Variants in TRPM7 observed in about 807,000 individuals in gnomAD.
TRPM7 encodes LTRPC ion channel family member 7.
Under a neutral mutation model 229.7 loss-of-function variants are expected in TRPM7, and 134 were observed. The ratio of observed to expected loss-of-function variants is 0.58; its 90% confidence interval spans 0.51 to 0.67. The LOEUF is 0.67. Ranked by LOEUF, TRPM7 falls within the 30% of genes least tolerant of loss-of-function variation. The probability of loss-of-function intolerance (pLI) is 0.00; values close to 1 mark genes in which losing one functional copy is unlikely to be tolerated. For synonymous variants in TRPM7, 699 were observed against 715.2 expected (o/e 0.98, Z 0.36); for missense variants, 1,901 against 2,210.0 (o/e 0.86, Z 2.80).
In TRPM7 at chr15:50,570,012, T is replaced by TA. The variant is rs754481499; in HGVS notation, c.5361-20dup. The TA allele has an allele frequency of 6.6e-5, 104 of 1,586,754 alleles. No individual in the cohort carries two copies. Among genetic ancestry groups the TA allele is most frequent in the South Asian group, 4.6e-4 (40 of 86,640 alleles). On this transcript the variant is annotated intron_variant, in intron 37 of 38. Transcript: ENST00000646667. ...ACAGGATCTGTAGAATTGGTAATTT[T>TA]AAAAAAAACAACAAAAAAAAGGGGG...
intron 9 of TRPM7, among the ~76,000 whole-genome samples, 181 bp downstream of exon 9, chr15:50,632,688 C>A (rs1234858064): frequency 6.6e-6 from 1 of 152,106 alleles, no homozygotes; most frequent in Non-Finnish European, 1.5e-5. Flanking sequence ...AAACTACAGG[C>A]CTCCTTCTAT....
At chr15:50,585,186 C>T (rs1351181510) in intron 28 of TRPM7, among the ~76,000 whole-genome samples, 16 of 151,934 alleles carry the variant, frequency 1.1e-4, no homozygotes, top group African/African-American at 2.9e-4. Flanking sequence ...CTCAGCCTCC[C>T]GAGTAGCTGG....
intron 23 of TRPM7, among the ~76,000 whole-genome samples, chr15:50,595,992 T>C (rs914390769): frequency 1.3e-4 from 20 of 152,196 alleles, no homozygotes; most frequent in Non-Finnish European, 2.1e-4. Context: ...CTATATTGAA[T>C]GCGTATTTGT....
At chr15:50,620,351 T>C (rs1285773257) in intron 12 of TRPM7, among the ~76,000 whole-genome samples, 2 of 151,688 alleles carry the variant, frequency 1.3e-5, no homozygotes, top group Non-Finnish European at 1.5e-5. Flanking sequence ...TTAGTGTTAG[T>C]GTATTTTATG....
At chr15:50,611,472 A>G (rs1340359405) in intron 16 of TRPM7, 151 bp from the exon 17 acceptor site, 2 of 637,116 alleles carry the variant, frequency 3.1e-6, no homozygotes, top group Non-Finnish European at 2.7e-6. Context: ...CTGTTTTCAG[A>G]CATCTACATC....
intron 26 of TRPM7, among the ~76,000 whole-genome samples, chr15:50,591,068 GTTC>G (rs1487329238): frequency 1.3e-5 from 2 of 151,348 alleles, no homozygotes; most frequent in Non-Finnish European, 2.9e-5. Flanking sequence ...ATTTTTTTTT[GTTC>G]TTATCTTATT....
At chr15:50,686,103 A>G (rs2062353984) in intron 1 of TRPM7, among the ~76,000 whole-genome samples, 1 of 152,124 alleles carries the variant, frequency 6.6e-6, no homozygotes, top group Non-Finnish European at 1.5e-5. Context: ...TTTCCATGTA[A>G]AACTTGAGCA....
chr15:50,676,411 A>T (rs572685030), intron 1 of TRPM7, among the ~76,000 whole-genome samples: 1 of 152,184 alleles, frequency 6.6e-6, no homozygotes, highest in East Asian at 1.9e-4. Flanking sequence ...TAACCACCAT[A>T]AATTCTGGAC....
Position 50,617,935 on chromosome 15 carries a change from G to A in TRPM7, c.1494+1810C>T, listed in dbSNP as rs77675110. Among the ~76,000 whole-genome samples the A allele has an allele frequency of 1.6e-4, 25 of 152,144 alleles. 1 individual carries two copies. In the East Asian group the frequency reaches 3.5e-3, roughly 21 times the overall value. On this transcript the variant is annotated intron_variant, in intron 13 of 38. Transcript: ENST00000646667. ...CAGACTACCAAAGTGCTGGTATTAC[G>A]GGTATGAGCCACCAGCCCTGGCCTT...
chr15:50,653,155 C>A (rs891788166), intron 3 of TRPM7, among the ~76,000 whole-genome samples: 1 of 151,858 alleles, frequency 6.6e-6, no homozygotes, highest in Non-Finnish European at 1.5e-5. Flanking sequence ...CCACTCCCCC[C>A]AAAAAGAAAA....
intron 3 of TRPM7, among the ~76,000 whole-genome samples, chr15:50,650,610 G>A (rs761560063): frequency 3.3e-5 from 5 of 151,568 alleles, no homozygotes; most frequent in African/African-American, 9.7e-5. Flanking sequence ...CAGGAGAATC[G>A]CTTGAACCTG....
intron 3 of TRPM7, among the ~76,000 whole-genome samples, chr15:50,653,161 G>C (rs1016649089): frequency 6.6e-6 from 1 of 151,842 alleles, no homozygotes; most frequent in Non-Finnish European, 1.5e-5. Context: ...CCCCCAAAAA[G>C]AAAAAAGAAA....
At position 50,613,723 on chromosome 15, in the gene TRPM7, T is replaced by C. The variant is rs2060130966; in HGVS notation, c.1754A>G (p.Gln585Arg). The stretch of plus-strand genomic sequence containing the variant: ...TAAATTTACCTTTGGTCGGTAGGGC[T>C]GTGCTGTCTTAATGAAATGGTTATG... ...MRHNHFIKTA[Q>R]PYRPKIDTVM... Residue 585 changes from glutamine to arginine, a missense_variant, in exon 15 of 39, where the codon CAG becomes CGG. Physicochemically the swap from Gln to Arg is conservative, Grantham distance 43 (BLOSUM62 1). This residue lies in a region of TRPM7 where 794 missense variants were observed against 881.9 expected (regional missense o/e 0.90). Transcript: ENST00000646667. 2 of 1,605,112 alleles carry C rather than the reference T, an allele frequency of 1.2e-6. No individual in the cohort carries two copies. The highest frequency in any genetic ancestry group is 2.7e-5 in the African/African-American group (2 of 74,496).
intron 24 of TRPM7, among the ~76,000 whole-genome samples, 183 bp downstream of exon 24, chr15:50,594,246 T>G (rs1487597320): frequency 6.6e-6 from 1 of 152,220 alleles, no homozygotes; most frequent in Non-Finnish European, 1.5e-5. Flanking sequence ...AGTTTAATGC[T>G]AAATCCATTT....
intron 12 of TRPM7, 49 bp downstream of exon 12, chr15:50,624,117 T>C: frequency 6.5e-7 from 1 of 1,549,928 alleles, no homozygotes; most frequent in African/African-American, 1.4e-5. Context: ...AAAGTAACAT[T>C]TCCCAAAAGA....
At chr15:50,676,415 T>A (rs1201950797) in intron 1 of TRPM7, among the ~76,000 whole-genome samples, 1 of 151,774 alleles carries the variant, frequency 6.6e-6, no homozygotes, top group Non-Finnish European at 1.5e-5. Context: ...CACCATAAAT[T>A]CTGGACAAAA....
At chr15:50,663,539 G>A (rs903733089) in intron 1 of TRPM7, among the ~76,000 whole-genome samples, 1 of 152,096 alleles carries the variant, frequency 6.6e-6, no homozygotes, top group Non-Finnish European at 1.5e-5. Context: ...AGTGACCTAG[G>A]TTATTAAATC....
At chr15:50,600,074 C>T (rs1275329609) in intron 21 of TRPM7, among the ~76,000 whole-genome samples, 1 of 152,156 alleles carries the variant, frequency 6.6e-6, no homozygotes, top group Non-Finnish European at 1.5e-5. Flanking sequence ...CTTCACCTCC[C>T]ATCTACTTAT....
Position 50,609,825 on chromosome 15 carries a change from A to G in TRPM7, c.2417T>C (p.Ile806Thr), listed in dbSNP as rs2060020498. 6.2e-7 allele frequency: 1 copy of G among 1,612,604 alleles called. No individual in the cohort carries two copies. The highest frequency in any genetic ancestry group is 1.3e-5 in the African/African-American group (1 of 74,860). ...MDDSENNFQN[I>T]TEEIPMEVFK... ...GCTTACCATGGGGATCTCTTCTGTTATGTTCTGAAAGTTGTTTTCGCTGTC... is the reference window on the plus strand; with the variant it reads ...GCTTACCATGGGGATCTCTTCTGTTGTGTTCTGAAAGTTGTTTTCGCTGTC... Residue 806 changes from isoleucine (I) to threonine (T), a missense_variant, in exon 18 of 39, where the codon ATA (isoleucine) becomes ACA (threonine). Around this residue, in one of 8 missense-constraint regions of TRPM7, gnomAD observed 207 missense variants for 241.5 expected, o/e 0.86. Coordinates refer to ENST00000646667, the MANE Select transcript of TRPM7 (RefSeq NM_017672.6).
Sources: gnomAD v4.1 joint callset for allele counts (sites outside exome capture counted in the v4.1 genomes callset) on GRCh38, gnomAD v4.1.1 for gene constraint, gnomAD v4.1.1 regional missense constraint, MANE v1.5 for transcripts, NCBI Gene and HGNC (gene_info 2026-07-23, HGNC 2026-07-21) for gene names.